The following VOPP1 variants were observed in gnomAD, a reference collection of about 807,000 sequenced individuals.
VOPP1 encodes VOPP1 WW domain binding protein, also known as WW domain binding protein VOPP1.
In VOPP1, 8 loss-of-function variants were observed where a neutral mutation model predicts 23.5. The ratio of observed to expected loss-of-function variants is 0.34; its 90% CI spans 0.20 to 0.61. The LOEUF (loss-of-function observed/expected upper bound fraction) is 0.61, where lower values mean the gene tolerates loss of function less well. VOPP1 is among the 20% of genes least tolerant of loss of function. The pLI is 0.78. For missense variants in VOPP1, 174 were observed against 238.1 expected, an observed-to-expected ratio of 0.73 and a Z score of 1.77; for synonymous variants, 83 against 97.3, an observed-to-expected ratio of 0.85 and a Z score of 0.86.
At chr7:55,439,070 A>C (rs1248236941) in intron 4 of VOPP1, among the ~76,000 whole-genome samples, 1 of 152,020 alleles carries the variant, frequency 6.6e-6, no homozygotes, top group African/African-American at 2.4e-5. Context: ...GGTTTATTAG[A>C]GGCGGGCGAG....
intron 1 of VOPP1, among the ~76,000 whole-genome samples, chr7:55,567,725 C>T (rs1423425005): frequency 6.6e-6 from 1 of 152,220 alleles, no homozygotes; most frequent in Admixed American, 6.5e-5. Context: ...TGCCACTTCT[C>T]ACCCATGACC....
intron 1 of VOPP1, among the ~76,000 whole-genome samples, chr7:55,542,905 CT>C (rs553803447): frequency 6.6e-6 from 1 of 151,768 alleles, no homozygotes; most frequent in South Asian, 2.1e-4. Flanking sequence ...TTTCATTCTT[CT>C]TTTTTGTTTT....
chr7:55,516,786 C>T (rs1366225792), intron 2 of VOPP1, among the ~76,000 whole-genome samples: 1 of 151,752 alleles, frequency 6.6e-6, no homozygotes, highest in East Asian at 1.9e-4. Flanking sequence ...CAAAATAGGA[C>T]ACCACCTTGA....
intron 1 of VOPP1, chr7:55,537,367 T>G: frequency 7.9e-7 from 1 of 1,264,106 alleles, no homozygotes; most frequent in Non-Finnish European, 1.1e-6. Flanking sequence ...GGCCAACAAG[T>G]CAGACCACTG....
chr7:55,438,152 C>G lies in VOPP1; in HGVS notation n.418-1978G>C, dbSNP rs377625348. Reference sequence around the variant, plus strand: ...TCAGGTGATTCGTCTGCCTCGGCCCCCCAAAGTGCTGGGATTACAGGTGTG... The same window carrying G: ...TCAGGTGATTCGTCTGCCTCGGCCCGCCAAAGTGCTGGGATTACAGGTGTG... On this transcript the variant is annotated intron_variant and non_coding_transcript_variant, in intron 4 of 4. Transcript: ENST00000462326. Among the ~76,000 whole-genome samples the G allele has an allele frequency of 7.2e-4, 110 of 152,250 alleles. 2 individuals are homozygous for G. In the South Asian group the frequency reaches 0.022, roughly 31 times the overall value.
chr7:55,491,886 A>G (rs1793595878), intron 4 of VOPP1, among the ~76,000 whole-genome samples: 1 of 152,256 alleles, frequency 6.6e-6, no homozygotes, highest in Non-Finnish European at 1.5e-5. Context: ...ATAATAAAAT[A>G]TCTAAGCAAA....
intron 4 of VOPP1, among the ~76,000 whole-genome samples, chr7:55,453,405 A>T (rs1457534931): frequency 6.6e-6 from 1 of 152,198 alleles, no homozygotes; most frequent in Non-Finnish European, 1.5e-5. Flanking sequence ...TCCTTACTAG[A>T]CTTAATCATT....
In VOPP1 at chr7:55,535,150, C is replaced by T. The variant is rs143004939; in HGVS notation, c.55-14020G>A. Among the ~76,000 whole-genome samples, 820 of 152,318 alleles carry T rather than the reference C, an allele frequency of 5.4e-3. 11 individuals carry two copies. Among genetic ancestry groups the T allele is most frequent in the African/African-American group, 0.019 (784 of 41,564 alleles). On this transcript the variant is annotated intron_variant, in intron 1 of 4. Coordinates refer to ENST00000285279, the MANE Select transcript of VOPP1 (RefSeq NM_030796.5). The stretch of plus-strand genomic sequence containing the variant: ...ACCTCTCAGCAGCCTTGACAAAGCT[C>T]AGGGGGCTACGCAGGGCTCTGTCAT...
intron 1 of VOPP1, among the ~76,000 whole-genome samples, chr7:55,544,760 A>G (rs1797294083): frequency 6.6e-6 from 1 of 152,224 alleles, no homozygotes; most frequent in Admixed American, 6.5e-5. Flanking sequence ...AACATCTGAA[A>G]TAAACTAAGC....
intron 4 of VOPP1, among the ~76,000 whole-genome samples, chr7:55,476,672 C>T (rs1048790424): frequency 2.6e-5 from 4 of 152,138 alleles, no homozygotes; most frequent in African/African-American, 7.2e-5. Context: ...TCTGGTCTCA[C>T]CTCTCCTCCT....
intron 1 of VOPP1, among the ~76,000 whole-genome samples, chr7:55,534,600 C>T (rs1213571921): frequency 6.6e-6 from 1 of 152,230 alleles, no homozygotes; most frequent in African/African-American, 2.4e-5. Context: ...GAGCTGTCAA[C>T]AGCCACTCCT....
chr7:55,572,193 C>G, intron 1 of VOPP1, 78 bp downstream of exon 1: 5 of 1,242,526 alleles, frequency 4.0e-6, no homozygotes, highest in Non-Finnish European at 5.5e-6. Flanking sequence ...TCCTCTGGGG[C>G]GCCTCGGAAC....
chr7:55,480,859 CAA>C (rs1234311982), intron 4 of VOPP1, among the ~76,000 whole-genome samples: 1 of 152,206 alleles, frequency 6.6e-6, no homozygotes, highest in African/African-American at 2.4e-5. Flanking sequence ...GAGGATGTAA[CAA>C]TGACAAAAAC....
At chr7:55,515,769 C>T (rs568937738) in intron 2 of VOPP1, among the ~76,000 whole-genome samples, 2 of 152,334 alleles carry the variant, frequency 1.3e-5, no homozygotes, top group South Asian at 4.1e-4. Context: ...GGATTCAATG[C>T]TCCCTGCAGA....
At chr7:55,454,239 A>G (rs759062169) in intron 4 of VOPP1, among the ~76,000 whole-genome samples, 11 of 152,194 alleles carry the variant, frequency 7.2e-5, no homozygotes, top group Non-Finnish European at 1.0e-4. Context: ...CCCTCCCAAG[A>G]CTAAACCAGA....
At chr7:55,501,242 C>T (rs991003214) in intron 2 of VOPP1, among the ~76,000 whole-genome samples, 2 of 151,986 alleles carry the variant, frequency 1.3e-5, no homozygotes, top group Non-Finnish European at 2.9e-5. Context: ...AATAAAGATG[C>T]GATATGAGGT....
chr7:55,541,820 C>T (rs150500992), intron 1 of VOPP1, among the ~76,000 whole-genome samples: 2 of 152,218 alleles, frequency 1.3e-5, no homozygotes, highest in African/African-American at 4.8e-5. Flanking sequence ...TAAGGGACCA[C>T]GTTACATGAT....
intron 4 of VOPP1, among the ~76,000 whole-genome samples, chr7:55,460,751 G>A (rs1351392836): frequency 6.6e-6 from 1 of 151,946 alleles, no homozygotes; most frequent in Non-Finnish European, 1.5e-5. Flanking sequence ...TATAGTTTTT[G>A]ACTTAAAGTC....
chr7:55,456,426 G>A (rs1386896866), intron 4 of VOPP1, among the ~76,000 whole-genome samples: 1 of 152,142 alleles, frequency 6.6e-6, no homozygotes, highest in Non-Finnish European at 1.5e-5. Flanking sequence ...AATACCATTT[G>A]ACCCAGCAAT....
Sources: allele counts gnomAD v4.1 joint callset (sites outside exome capture counted in the v4.1 genomes callset), GRCh38; gene constraint gnomAD v4.1.1; transcripts MANE v1.5; gene names NCBI Gene and HGNC (gene_info 2026-07-23, HGNC 2026-07-21).